Variants in ENOX2 observed in about 807,000 individuals in gnomAD.
ENOX2 encodes ecto-NOX disulfide-thiol exchanger 2.
ENOX2 carries 36 observed loss-of-function variants against 45.0 expected under a neutral mutation model. That is an observed-to-expected ratio of 0.80 (90% CI 0.61 to 1.06). The LOEUF (loss-of-function observed/expected upper bound fraction) is 1.06, where lower values mean the gene tolerates loss of function less well. ENOX2 is among the 50% of genes least tolerant of loss of function. The pLI is 0.00. For synonymous variants in ENOX2, 174 were observed against 152.3 expected, an observed-to-expected ratio of 1.14 and a Z score of -1.05; for missense variants, 423 against 462.5, an observed-to-expected ratio of 0.91 and a Z score of 0.78.
At chrX:130,767,365 T>C (rs2039641392) in intron 3 of ENOX2, among the ~76,000 whole-genome samples, 1 of 111,843 alleles carries the variant, frequency 8.9e-6, no homozygotes, top group Admixed American at 9.5e-5. Context: ...TAAGTATTTG[T>C]GGAATGAATG....
intron 2 of ENOX2, among the ~76,000 whole-genome samples, chrX:130,815,890 C>T (rs1226182408): frequency 3.6e-5 from 4 of 111,530 alleles, no homozygotes; most frequent in Admixed American, 1.9e-4. Flanking sequence ...CAAATTCACA[C>T]ATAACAATAT....
intron 4 of ENOX2, among the ~76,000 whole-genome samples, chrX:130,697,682 C>A (rs1316520673): frequency 9.0e-6 from 1 of 111,676 alleles, no homozygotes; most frequent in Non-Finnish European, 1.9e-5. Context: ...ACCTTCATAC[C>A]GGCAGGCTTC....
In ENOX2 at chrX:130,688,908, C is replaced by T; in HGVS notation, c.208G>A (p.Glu70Lys). The T allele has an allele frequency of 8.3e-7, 1 of 1,199,842 alleles. No individual in the cohort carries two copies. Among genetic ancestry groups the T allele is most frequent in the Admixed American group, 2.2e-5 (1 of 45,924 alleles). ...PIPPDMPVVK[E>K]IIHCKSCTLF... is the part of the protein sequence containing the mutation. ...GTGCAGCTTTTACAGTGTATGATCT[C>T]TTTTACTACTGGCATATCTGGAGGA... Residue 70 changes from glutamate (E) to lysine (K), a missense_variant, in exon 5 of 15, where the codon GAG becomes AAG. This residue lies in a region of ENOX2 where 261 missense variants were observed against 306.8 expected (regional missense o/e 0.85). Transcript: ENST00000394363.
intron 4 of ENOX2, among the ~76,000 whole-genome samples, chrX:130,696,969 C>A (rs1479119887): frequency 2.7e-5 from 3 of 111,119 alleles, no homozygotes; most frequent in Non-Finnish European, 5.7e-5. Flanking sequence ...TGGTCTTTGT[C>A]TTCTATTCTC....
At chrX:130,723,205 C>T (rs776696353) in intron 3 of ENOX2, among the ~76,000 whole-genome samples, 1 of 112,297 alleles carries the variant, frequency 8.9e-6, no homozygotes, top group African/African-American at 3.2e-5. Flanking sequence ...GCATTTTACT[C>T]GAAGTGGCTA....
At chrX:130,787,489 T>C (rs1049375550) in intron 2 of ENOX2, among the ~76,000 whole-genome samples, 2 of 112,023 alleles carry the variant, frequency 1.8e-5, no homozygotes, top group Non-Finnish European at 3.8e-5. Flanking sequence ...GTGAGGAGAT[T>C]GTTCTGAATC....
At position 130,665,691 on chromosome X, in the gene ENOX2, G is replaced by A; in HGVS notation, c.966C>T (p.Phe322=). 8.3e-7 allele frequency: 1 copy of A among 1,206,767 alleles called. No homozygotes were observed. The highest frequency in any genetic ancestry group is 1.1e-6 in the Non-Finnish European group (1 of 892,871). ...TGATGTTCTTCCGCTGGGCTTTTGT[G>A]AAGTGGTCCCATGCCTTCTGCTTGG... ...SASKQKAWDH[F]TKAQRKNISV... The change falls in exon 9 of 15, where the codon TTC becomes TTT. Residue 322 remains phenylalanine (F), a synonymous_variant. Coordinates refer to ENST00000394363, the MANE Select transcript of ENOX2 (RefSeq NM_006375.4).
chrX:130,785,985 T>G (rs1374103203), intron 2 of ENOX2, among the ~76,000 whole-genome samples: 1 of 112,657 alleles, frequency 8.9e-6, no homozygotes, highest in Non-Finnish European at 1.9e-5. Context: ...ACATACATAT[T>G]TATGAGAATT....
At chrX:130,838,012 G>A (rs998065834) in intron 2 of ENOX2, among the ~76,000 whole-genome samples, 4 of 111,824 alleles carry the variant, frequency 3.6e-5, no homozygotes, top group African/African-American at 1.3e-4. Context: ...TCAAAGGTAT[G>A]CATCTCTCTG....
intron 6 of ENOX2, among the ~76,000 whole-genome samples, chrX:130,678,043 C>T (rs1451597202): frequency 9.3e-6 from 1 of 107,966 alleles, no homozygotes; most frequent in African/African-American, 3.4e-5. Flanking sequence ...GCCAAAATCA[C>T]ATCATTGCAC....
At chrX:130,827,002 G>A (rs1569506425) in intron 2 of ENOX2, among the ~76,000 whole-genome samples, 2 of 111,856 alleles carry the variant, frequency 1.8e-5, no homozygotes, top group Non-Finnish European at 3.8e-5. Flanking sequence ...TTCATGGTCA[G>A]TGCAAATACA....
At chrX:130,768,524 C>T (rs1211452272) in intron 3 of ENOX2, among the ~76,000 whole-genome samples, 2 of 111,931 alleles carry the variant, frequency 1.8e-5, no homozygotes, top group Admixed American at 9.5e-5. Context: ...GCCACATTAT[C>T]TGATTCTTTT....
rs139112880 is a variant in ENOX2, at chrX:130,670,556, G to A, written c.461-358C>T. ...AGCATGATCGTTATATGGCACCAAG[G>A]GCTGGGAAGAATGGAAAAGGTGGCC... On this transcript the variant is annotated intron_variant, in intron 6 of 14. Coordinates refer to ENST00000394363, the MANE Select transcript of ENOX2 (RefSeq NM_006375.4). Among the ~76,000 whole-genome samples the A allele has an allele frequency of 5.7e-4, 63 of 110,536 alleles. No individual in the cohort carries two copies. The East Asian group carries it at 0.012, about 20-fold the overall frequency.
chrX:130,854,663 T>G (rs2078274764), intron 2 of ENOX2, among the ~76,000 whole-genome samples: 2 of 110,252 alleles, frequency 1.8e-5, no homozygotes, highest in African/African-American at 6.6e-5. Context: ...AAACAACACA[T>G]TTACCTATAA....
intron 3 of ENOX2, among the ~76,000 whole-genome samples, chrX:130,714,333 T>C (rs780595559): frequency 4.4e-4 from 49 of 112,128 alleles, no homozygotes; most frequent in African/African-American, 1.5e-3. Flanking sequence ...CACTTACACC[T>C]GTGTTTGTCA....
chrX:130,835,348 GGTGA>G (rs2077911169), intron 2 of ENOX2, among the ~76,000 whole-genome samples: 1 of 110,887 alleles, frequency 9.0e-6, no homozygotes, highest in African/African-American at 3.3e-5. Context: ...AATTTTAACA[GGTGA>G]GTGAGTACTC....
intron 2 of ENOX2, among the ~76,000 whole-genome samples, chrX:130,848,899 A>G (rs1366027867): frequency 8.9e-6 from 1 of 112,347 alleles, no homozygotes; most frequent in Non-Finnish European, 1.9e-5. Context: ...CAGTAATATT[A>G]GGTAACCTGG....
At chrX:130,793,128 C>T (rs1413100227) in intron 2 of ENOX2, among the ~76,000 whole-genome samples, 1 of 112,340 alleles carries the variant, frequency 8.9e-6, no homozygotes, top group Admixed American at 9.4e-5. Flanking sequence ...GCCCCCCTTA[C>T]AGCAAAGTGA....
chrX:130,656,358 T>C (rs2036547160), intron 10 of ENOX2, among the ~76,000 whole-genome samples: 4 of 112,201 alleles, frequency 3.6e-5, no homozygotes, highest in Admixed American at 1.9e-4. Flanking sequence ...CACTTTTAAT[T>C]AGGCACTTCA....
Sources: allele counts gnomAD v4.1 joint callset (sites outside exome capture counted in the v4.1 genomes callset), GRCh38; gene constraint gnomAD v4.1.1; regional missense constraint gnomAD v4.1.1; transcripts MANE v1.5; gene names NCBI Gene and HGNC (gene_info 2026-07-23, HGNC 2026-07-21).